The following GAL variants were observed in gnomAD, a reference collection of about 807,000 sequenced individuals.
The protein encoded by GAL is galanin peptides.
A neutral mutation model predicts 15.8 loss-of-function variants in GAL; 14 were observed. The ratio of observed to expected loss-of-function variants is 0.89; its 90% confidence interval spans 0.59 to 1.39. The LOEUF is 1.39. Ranked by LOEUF, GAL falls within the 40% of genes most tolerant of loss-of-function variation. The probability of loss-of-function intolerance (pLI) is 0.00; values close to 1 mark genes in which losing one functional copy is unlikely to be tolerated. For missense variants in GAL, 176 were observed against 170.4 expected, an observed-to-expected ratio of 1.03 and a Z score of -0.18; for synonymous variants, 79 against 73.8, an observed-to-expected ratio of 1.07 and a Z score of -0.36.
chr11:68,688,583 C>T (rs3136539), intron 4 of GAL, among the ~76,000 whole-genome samples: 9,644 of 152,244 alleles, frequency 0.063, 415 homozygotes, highest in Non-Finnish European at 0.097. Context: ...GAGCCAAGAT[C>T]ATGACACTGC....
Position 68,685,654 on chromosome 11 carries a change from TGA to T in GAL, c.136+7_136+8del. On this transcript the variant is annotated splice_region_variant and intron_variant, in intron 3 of 5. Transcript: ENST00000265643. ...GGGCTACCTGCTGGGCCCACGTAAG[TGA>T]CTGACAGCATGGCCTCCCCACTCCT... is the stretch of plus-strand genomic sequence containing the variant. 6.2e-7 allele frequency: 1 copy of T among 1,607,046 alleles called. No homozygotes were observed. The highest frequency in any genetic ancestry group is 8.5e-7 in the Non-Finnish European group (1 of 1,173,694).
intron 4 of GAL, among the ~76,000 whole-genome samples, chr11:68,688,400 G>A (rs564569303): frequency 5.9e-5 from 9 of 152,334 alleles, no homozygotes; most frequent in South Asian, 4.1e-4. Flanking sequence ...AGGCTGATGC[G>A]GGTGGATCAC....
At chr11:68,686,438 C>T (rs1945853043) in intron 3 of GAL, among the ~76,000 whole-genome samples, 1 of 152,218 alleles carries the variant, frequency 6.6e-6, no homozygotes. Flanking sequence ...AGGATGTGAA[C>T]AGCACGCAGG....
intron 5 of GAL, among the ~76,000 whole-genome samples, chr11:68,689,214 A>G (rs1400267470): frequency 1.3e-5 from 2 of 152,196 alleles, no homozygotes; most frequent in African/African-American, 2.4e-5. Context: ...TACTGGAACC[A>G]TATCTATTCA....
intron 3 of GAL, among the ~76,000 whole-genome samples, chr11:68,685,970 A>G (rs1945848940): frequency 6.6e-6 from 1 of 151,814 alleles, no homozygotes; most frequent in Non-Finnish European, 1.5e-5. Flanking sequence ...CAAAACACTC[A>G]ACTCCTCGGC....
Position 68,684,936 on chromosome 11 carries a change from A to G in GAL, c.13A>G (p.Ser5Gly), listed in dbSNP as rs749996027. 8 of 1,607,362 alleles carry G rather than the reference A, an allele frequency of 5.0e-6. No individual in the cohort carries two copies. The highest frequency in any genetic ancestry group is 5.1e-6 in the Non-Finnish European group (6 of 1,176,870). Residue 5 changes from serine (S) to glycine (G), a missense_variant, in exon 2 of 6, where the codon AGC (serine) becomes GGC (glycine). Coordinates refer to ENST00000265643, the MANE Select transcript of GAL (RefSeq NM_015973.5). Reference protein sequence around the residue: MARGSALLLASLLLA... With the variant: MARGGALLLASLLLA... ...CCTTCCCTTCCAGATGGCCCGAGGC[A>G]GCGCCCTCCTGCTCGCCTCCCTCCT...
In GAL at chr11:68,687,940, T is replaced by G. The variant is rs577098322; in HGVS notation, c.137-74T>G. The stretch of plus-strand genomic sequence containing the variant: ...TGTGTGTTGGCTACAGGCAGCCCTG[T>G]GTCCTTCTTTGGGTGTGGGGAGGGC... On this transcript the variant is annotated intron_variant, in intron 3 of 5. Coordinates refer to ENST00000265643, the MANE Select transcript of GAL (RefSeq NM_015973.5). 1.4e-5 allele frequency: 13 copies of G among 899,734 alleles called. No homozygotes were observed. In the East Asian group the frequency reaches 2.9e-4, roughly 20 times the overall value. 55.7% of individuals were successfully genotyped at this position (899,734 alleles called of 1,614,324 possible). A position where few individuals can be genotyped will look rare whatever the true frequency, so the allele number is the denominator to read the frequency against.
At chr11:68,687,076 G>T (rs904316859) in intron 3 of GAL, among the ~76,000 whole-genome samples, 2 of 152,160 alleles carry the variant, frequency 1.3e-5, no homozygotes, top group African/African-American at 4.8e-5. Flanking sequence ...GCTGCTGAAC[G>T]CAGTGTGGCC....
intron 5 of GAL, 72 bp from the exon 6 acceptor site, chr11:68,690,845 T>G: frequency 1.0e-6 from 1 of 952,706 alleles, no homozygotes; most frequent in Non-Finnish European, 1.7e-6. Context: ...TCCTGTAGCA[T>G]GTGTCGTGGT....
intron 3 of GAL, 32 bp from the exon 4 acceptor site, chr11:68,687,981 AC>A: frequency 1.4e-6 from 2 of 1,413,856 alleles, no homozygotes; most frequent in Middle Eastern, 1.7e-4. Flanking sequence ...TGACAGTCAC[AC>A]CCAGAGGCTT....
Position 68,688,092 on chromosome 11 carries a change from T to C in GAL, c.215T>C (p.Met72Thr), listed in dbSNP as rs1463607340. ...SKRELRPEDD[M>T]KPGSFDRSIP... ...CGGGAGCTGCGGCCCGAAGATGACA[T>C]GAAACCAGGTGAGAGGACTCCTATC... The change falls in exon 4 of 6, where the codon ATG (methionine) becomes ACG (threonine). Residue 72 changes from methionine to threonine, a missense_variant. Met to Thr is a moderately conservative substitution (Grantham distance 81). Coordinates refer to ENST00000265643, the MANE Select transcript of GAL (RefSeq NM_015973.5). 2 of 1,605,246 alleles carry C rather than the reference T, an allele frequency of 1.2e-6. No individual in the cohort carries two copies. The highest frequency in any genetic ancestry group is 2.7e-5 in the African/African-American group (2 of 74,686).
At chr11:68,686,606 G>A (rs1484930750) in intron 3 of GAL, among the ~76,000 whole-genome samples, 1 of 152,236 alleles carries the variant, frequency 6.6e-6, no homozygotes, top group East Asian at 1.9e-4. Context: ...CCCAGAGTCA[G>A]GCTTTAAGAA....
At chr11:68,686,461 C>T (rs1026659033) in intron 3 of GAL, among the ~76,000 whole-genome samples, 2 of 152,180 alleles carry the variant, frequency 1.3e-5, no homozygotes, top group Non-Finnish European at 1.5e-5. Context: ...CTATCTGAGC[C>T]CCGCGGAGCA....
rs746516038 is a variant in GAL at position 68,685,626 on chromosome 11, C to G, written c.114C>G (p.Ser38Arg). 2 of 1,613,234 alleles carry G rather than the reference C, an allele frequency of 1.2e-6. No homozygotes were observed. Among genetic ancestry groups the G allele is most frequent in the Non-Finnish European group, 1.7e-6 (2 of 1,179,320 alleles). Residue 38 changes from serine (S) to arginine (R), a missense_variant, in exon 3 of 6, where the codon AGC becomes AGG. Transcript: ENST00000265643. ...AAAAACGAGGCTGGACCCTGAACAG[C>G]GCGGGCTACCTGCTGGGCCCACGTA... ...AKEKRGWTLN[S>R]AGYLLGPHAV... is the part of the protein sequence containing the mutation.
chr11:68,689,823 C>T (rs1011843259), intron 5 of GAL, among the ~76,000 whole-genome samples: 1 of 152,262 alleles, frequency 6.6e-6, no homozygotes, highest in African/African-American at 2.4e-5. Flanking sequence ...CTGATCCTGG[C>T]TTCCAGTGTC....
intron 3 of GAL, among the ~76,000 whole-genome samples, chr11:68,686,859 A>G (rs536427728): frequency 1.3e-5 from 2 of 152,304 alleles, no homozygotes; most frequent in South Asian, 4.1e-4. Context: ...CAATGAGAAC[A>G]TTTATCTGTG....
intron 5 of GAL, 42 bp downstream of exon 5, chr11:68,688,968 A>G: frequency 1.0e-6 from 1 of 952,382 alleles, no homozygotes; most frequent in Non-Finnish European, 1.7e-6. Context: ...CTCTTAGTAC[A>G]CTGGAAACGT....
rs780904685 is a variant in GAL, at chr11:68,688,059, C to G, written c.182C>G (p.Thr61Ser). 2 of 1,613,054 alleles carry G rather than the reference C, an allele frequency of 1.2e-6. No individual in the cohort carries two copies. Among genetic ancestry groups the G allele is most frequent in the Non-Finnish European group, 1.7e-6 (2 of 1,179,328 alleles). ...TCATTCAGCGACAAGAATGGCCTCA[C>G]CAGCAAGCGGGAGCTGCGGCCCGAA... ...HRSFSDKNGL[T>S]SKRELRPEDD... Residue 61 changes from threonine (T) to serine (S), a missense_variant, in exon 4 of 6, where the codon ACC becomes AGC. Physicochemically the swap from Thr to Ser is moderately conservative, Grantham distance 58. Transcript: ENST00000265643.
chr11:68,690,121 G>A (rs1202321415), intron 5 of GAL, among the ~76,000 whole-genome samples: 4 of 151,362 alleles, frequency 2.6e-5, no homozygotes, highest in Non-Finnish European at 2.9e-5. Context: ...CAGCAGAGAA[G>A]ACCTTCACCT....
Sources: gnomAD v4.1 joint callset for allele counts (sites outside exome capture counted in the v4.1 genomes callset) on GRCh38, gnomAD v4.1.1 for gene constraint, MANE v1.5 for transcripts, NCBI Gene and HGNC (gene_info 2026-07-23, HGNC 2026-07-21) for gene names.